NLGN1: variants seen among roughly 807,000 people sequenced by gnomAD.
The protein encoded by NLGN1 is neuroligin-1.
NLGN1 carries 12 observed loss-of-function variants against 65.5 expected under a neutral mutation model. That is an observed-to-expected ratio of 0.18 (90% confidence interval 0.12 to 0.30). NLGN1 has a LOEUF of 0.30. NLGN1 is among the 10% of genes least tolerant of loss of function. The pLI is 1.00. For synonymous variants in NLGN1, 350 were observed against 359.5 expected, an observed-to-expected ratio of 0.97 and a Z score of 0.30; for missense variants, 750 against 1,007.1, an observed-to-expected ratio of 0.74 and a Z score of 3.46.
At chr3:173,569,739 A>G (rs943626115) in intron 2 of NLGN1, among the ~76,000 whole-genome samples, 4 of 152,090 alleles carry the variant, frequency 2.6e-5, no homozygotes, top group Admixed American at 2.6e-4. Flanking sequence ...TGGTCCTAGA[A>G]GTTTTAAGAG....
chr3:174,234,239 T>C (rs144588303), intron 4 of NLGN1, among the ~76,000 whole-genome samples: 1,538 of 152,140 alleles, frequency 0.01, 11 homozygotes, highest in Non-Finnish European at 0.015. Context: ...GGAAGCAGGG[T>C]ACACTTGGTC....
chr3:173,795,657 G>T (rs950846081), intron 3 of NLGN1, among the ~76,000 whole-genome samples: 1 of 152,154 alleles, frequency 6.6e-6, no homozygotes, highest in South Asian at 2.1e-4. Flanking sequence ...GGTTGAAAAA[G>T]TCAAATATAG....
Position 174,234,395 on chromosome 3 carries a change from A to G in NLGN1, c.647-40920A>G, listed in dbSNP as rs115848792. The stretch of plus-strand genomic sequence containing the variant: ...CTGCATTCACAGCATCCTGCTAGCA[A>G]TTGGGAGGGAAGCATGTGCAGTGTG... On this transcript the variant is annotated intron_variant, in intron 4 of 6. Transcript: ENST00000457714. Among the ~76,000 whole-genome samples, 378 of 152,198 alleles carry G rather than the reference A, an allele frequency of 2.5e-3. 2 individuals carry two copies. The highest frequency in any genetic ancestry group is 8.5e-3 in the African/African-American group (355 of 41,528).
At chr3:173,660,408 C>A (rs950768946) in intron 3 of NLGN1, among the ~76,000 whole-genome samples, 4 of 151,434 alleles carry the variant, frequency 2.6e-5, no homozygotes, top group Admixed American at 6.6e-5. Flanking sequence ...CAATTCATTA[C>A]ATTTTCTAGG....
chr3:174,273,998 A>ATATATT lies in NLGN1; in HGVS notation c.647-1315_647-1310dup, dbSNP rs937897495. ...ATGTCCTAGCTTATTTTATAAAGAG[A>ATATATT]TATATTTCAAATTGAATAAAATAGT... On this transcript the variant is annotated intron_variant, in intron 4 of 6. Transcript: ENST00000457714. Among the ~76,000 whole-genome samples, 102 of 151,832 alleles carry ATATATT rather than the reference A, an allele frequency of 6.7e-4. 1 individual carries two copies. Among genetic ancestry groups the ATATATT allele is most frequent in the African/African-American group, 2.4e-3 (98 of 41,508 alleles).
chr3:173,762,382 C>T (rs1160047112), intron 3 of NLGN1, among the ~76,000 whole-genome samples: 4 of 151,956 alleles, frequency 2.6e-5, no homozygotes. Context: ...ACGATGCAAA[C>T]ACATATCTGT....
At chr3:173,591,530 C>A (rs1312194119) in intron 2 of NLGN1, among the ~76,000 whole-genome samples, 1 of 152,120 alleles carries the variant, frequency 6.6e-6, no homozygotes, top group African/African-American at 2.4e-5. Flanking sequence ...CCAATTCCAG[C>A]AAAAGCCTGG....
chr3:173,575,795 A>C (rs1745415061), intron 2 of NLGN1, among the ~76,000 whole-genome samples: 1 of 152,050 alleles, frequency 6.6e-6, no homozygotes, highest in Non-Finnish European at 1.5e-5. Context: ...TTTCTTTTTA[A>C]ATATAATTCT....
At chr3:173,823,155 T>A (rs1485608762) in intron 4 of NLGN1, among the ~76,000 whole-genome samples, 1 of 152,026 alleles carries the variant, frequency 6.6e-6, no homozygotes, top group Non-Finnish European at 1.5e-5. Context: ...GATTAAAAAT[T>A]GGTCTATTAG....
At chr3:174,052,235 A>G (rs1043892611) in intron 4 of NLGN1, among the ~76,000 whole-genome samples, 10 of 152,194 alleles carry the variant, frequency 6.6e-5, no homozygotes, top group Admixed American at 3.3e-4. Flanking sequence ...TGTGTTGTGT[A>G]GGGGAAAACT....
chr3:174,217,129 G>C (rs1378190810), intron 4 of NLGN1, among the ~76,000 whole-genome samples: 2 of 151,978 alleles, frequency 1.3e-5, no homozygotes, highest in Non-Finnish European at 2.9e-5. Flanking sequence ...TCCGGTTCTG[G>C]TAGTTGCAAG....
chr3:173,807,580 G>T, intron 3 of NLGN1, 100 bp from the exon 4 acceptor site: 1 of 1,344,728 alleles, frequency 7.4e-7, no homozygotes, highest in Admixed American at 2.2e-5. Flanking sequence ...GAACTATATT[G>T]AAATTATGCC....
At chr3:173,759,647 A>C (rs187714164) in intron 3 of NLGN1, among the ~76,000 whole-genome samples, 1 of 151,992 alleles carries the variant, frequency 6.6e-6, no homozygotes, top group African/African-American at 2.4e-5. Context: ...GATTACTTTC[A>C]TTTATATTTC....
intron 2 of NLGN1, among the ~76,000 whole-genome samples, chr3:173,600,611 T>C (rs569496526): frequency 8.7e-5 from 13 of 149,674 alleles, no homozygotes; most frequent in African/African-American, 2.9e-4. Flanking sequence ...TAGAAAAAGA[T>C]ATGTAAAAGG....
chr3:174,109,386 T>A (rs764085909), intron 4 of NLGN1, among the ~76,000 whole-genome samples: 6 of 152,032 alleles, frequency 3.9e-5, no homozygotes, highest in South Asian at 4.1e-4. Flanking sequence ...AAAGTCACTG[T>A]TATACTCTGT....
intron 3 of NLGN1, among the ~76,000 whole-genome samples, chr3:173,760,806 A>G (rs1283240000): frequency 1.3e-5 from 2 of 152,084 alleles, no homozygotes; most frequent in Non-Finnish European, 2.9e-5. Flanking sequence ...TTTGAGATGT[A>G]GATTTTGCTG....
intron 2 of NLGN1, among the ~76,000 whole-genome samples, chr3:173,503,082 T>G (rs775335396): frequency 2.0e-5 from 3 of 149,818 alleles, no homozygotes; most frequent in South Asian, 2.1e-4. Context: ...ATATGGCATG[T>G]TGTGTGTGTG....
chr3:174,208,079 C>T (rs1735770658), intron 4 of NLGN1, among the ~76,000 whole-genome samples: 1 of 152,094 alleles, frequency 6.6e-6, no homozygotes, highest in African/African-American at 2.4e-5. Context: ...CTTTTGGGGG[C>T]ATGAATGGAT....
Position 173,842,251 on chromosome 3 carries a change from CAT to C in NLGN1, c.646+34420_646+34421del, listed in dbSNP as rs1321627389. On this transcript the variant is annotated intron_variant, in intron 4 of 6. Transcript: ENST00000457714. ...ACCTCCCACCAGGTTTCTCCCATGA[CAT>C]GTGGGAAGTGTGAGAGCTACAATTC... Among the ~76,000 whole-genome samples the C allele has an allele frequency of 5.3e-5, 8 of 152,312 alleles. No individual in the cohort carries two copies. The East Asian group carries it at 9.7e-4, about 18-fold the overall frequency.
Sources: gnomAD v4.1 joint callset for allele counts (sites outside exome capture counted in the v4.1 genomes callset) on GRCh38, gnomAD v4.1.1 for gene constraint, MANE v1.5 for transcripts, NCBI Gene and HGNC (gene_info 2026-07-23, HGNC 2026-07-21) for gene names.